Variants in PRDM2 observed in about 807,000 individuals in gnomAD.
PRDM2 encodes the protein PR/SET domain 2.
PRDM2 carries 30 observed loss-of-function variants against 130.0 expected under a neutral mutation model. The observed-to-expected ratio is 0.23, with a 90% confidence interval of 0.17 to 0.31. The LOEUF (loss-of-function observed/expected upper bound fraction) is 0.31. PRDM2 is among the 10% of genes least tolerant of loss of function. PRDM2 has a pLI of 1.00. For synonymous variants in PRDM2, 871 were observed against 782.4 expected, an observed-to-expected ratio of 1.11 and a Z score of -1.89; for missense variants, 2,011 against 2,108.4, an observed-to-expected ratio of 0.95 and a Z score of 0.90.
intron 6 of PRDM2, among the ~76,000 whole-genome samples, 164 bp downstream of exon 6, chr1:13,749,651 G>A (rs1045429464): frequency 3.3e-5 from 5 of 151,234 alleles, no homozygotes; most frequent in Non-Finnish European, 5.9e-5. Flanking sequence ...CCCTGCCCCG[G>A]CCCCGCTCCC....
intron 2 of PRDM2, chr1:13,722,741 G>A: frequency 2.3e-6 from 1 of 442,188 alleles, no homozygotes; most frequent in Middle Eastern, 3.4e-4. Context: ...AGGAGGGGAT[G>A]AGCCCTCAGG....
intron 4 of PRDM2, among the ~76,000 whole-genome samples, chr1:13,735,907 T>A (rs1344812812): frequency 6.6e-6 from 1 of 152,162 alleles, no homozygotes; most frequent in Non-Finnish European, 1.5e-5. Context: ...ACTGTGAACA[T>A]CTTCCTGAAC....
chr1:13,723,657 G>A lies in PRDM2; in HGVS notation c.10-7343G>A, dbSNP rs914237342. On this transcript the variant is annotated intron_variant, in intron 2 of 9. Coordinates refer to ENST00000311066, the MANE Select transcript of PRDM2 (RefSeq NM_001393986.1). ...ACTCATTTGCTGTGCTTCTTCTTCC[G>A]TTTCATTCTTTGATAAGGGCATTCT... 1.5e-4 allele frequency among the ~76,000 whole-genome samples: 23 copies of A among 152,252 alleles called. 1 individual carries two copies. The highest frequency in any genetic ancestry group is 3.4e-3 in the Middle Eastern group (1 of 294).
intron 4 of PRDM2, chr1:13,738,671 C>CTA (rs1377648837): frequency 6.6e-6 from 1 of 152,204 alleles, no homozygotes; most frequent in Non-Finnish European, 1.5e-5. Context: ...ATAAAATGTG[C>CTA]TATCACCTGT....
intron 8 of PRDM2, among the ~76,000 whole-genome samples, chr1:13,789,301 T>G (rs1471265565): frequency 6.6e-6 from 1 of 152,262 alleles, no homozygotes; most frequent in Non-Finnish European, 1.5e-5. Flanking sequence ...AGGCTGGCTG[T>G]CTTGTCCTCG....
rs1052413698 is a variant in PRDM2 at position 13,806,679 on chromosome 1, CTGGA to C, written c.5037-9744_5037-9741del. On this transcript the variant is annotated intron_variant, in intron 8 of 9. Coordinates refer to ENST00000311066, the MANE Select transcript of PRDM2 (RefSeq NM_001393986.1). The surrounding 1 kb of genome is among the most constrained non-coding windows in gnomAD (Gnocchi z 4.1). ...TGAGGTCCAGGCCACCATCATCTCC[CTGGA>C]TGGTGGCAGTCACCTCCTTGCTGGT... Among the ~76,000 whole-genome samples the C allele has an allele frequency of 2.0e-5, 3 of 152,178 alleles. No individual in the cohort carries two copies. Among genetic ancestry groups the C allele is most frequent in the African/African-American group, 7.2e-5 (3 of 41,444 alleles).
chr1:13,748,944 CGTT>C (rs1643703874), intron 5 of PRDM2, among the ~76,000 whole-genome samples: 2 of 152,166 alleles, frequency 1.3e-5, no homozygotes, highest in Admixed American at 1.3e-4. Flanking sequence ...GCGCGCTAGT[CGTT>C]GTCTTTCAGC....
chr1:13,749,474 CA>C lies in PRDM2; in HGVS notation c.500del (p.Lys167ArgfsTer24). On this transcript the variant is annotated frameshift_variant, in exon 6 of 10. Transcript: ENST00000311066. LOFTEE classifies it high-confidence loss of function. ...GCGCCCGGAGCAAGCGGAGCTCCCC[CA>C]AGAGCCGGAAAGGTAGGAGCCCCCC... ...ASARSKRSSPKSRKGKKKSQE... is the reference protein window; with the variant it reads ...ASARSKRSSPXSRKGKKKSQE... 6.8e-7 allele frequency: 1 copy of C among 1,475,310 alleles called. No individual in the cohort carries two copies. Among genetic ancestry groups the C allele is most frequent in the East Asian group, 3.0e-5 (1 of 32,976 alleles). 91.4% of individuals were successfully genotyped at this position (1,475,310 alleles called of 1,614,324 possible).
intron 2 of PRDM2, chr1:13,717,406 G>T (rs1642576354): frequency 1.0e-6 from 1 of 985,232 alleles, no homozygotes; most frequent in Non-Finnish European, 1.2e-6. Flanking sequence ...GAGGAGTCTT[G>T]ATCCTGCGTT....
intron 8 of PRDM2, among the ~76,000 whole-genome samples, chr1:13,788,899 A>ATTGC (rs1261804343): frequency 6.6e-6 from 1 of 152,214 alleles, no homozygotes; most frequent in East Asian, 1.9e-4. Context: ...GCCTTGGGCA[A>ATTGC]GTTCCTTTAC....
chr1:13,739,109 C>T (rs1002849277), intron 4 of PRDM2, among the ~76,000 whole-genome samples: 4 of 151,388 alleles, frequency 2.6e-5, no homozygotes, highest in Admixed American at 6.6e-5. Context: ...TGCAGTGACG[C>T]GATCTTGGCT....
intron 8 of PRDM2, among the ~76,000 whole-genome samples, chr1:13,816,203 C>T (rs534231992): frequency 2.2e-4 from 34 of 152,250 alleles, no homozygotes; most frequent in African/African-American, 7.5e-4. Flanking sequence ...CGATCGCCTC[C>T]GAGGGGAGAG....
At chr1:13,798,961 AAC>A (rs751499981) in intron 8 of PRDM2, among the ~76,000 whole-genome samples, 2 of 152,226 alleles carry the variant, frequency 1.3e-5, no homozygotes, top group Non-Finnish European at 2.9e-5. Flanking sequence ...CCGGATCTGC[AAC>A]ACAGTATCGC....
In PRDM2 at chr1:13,780,995, C is replaced by T. The variant is rs926464928; in HGVS notation, c.3200C>T (p.Ser1067Leu). Residue 1067 changes from serine to leucine, a missense_variant, in exon 8 of 10, where the codon TCA becomes TTA. By Grantham distance (145) the Ser-to-Leu change is moderately radical. Coordinates refer to ENST00000311066, the MANE Select transcript of PRDM2 (RefSeq NM_001393986.1). ...SSSSSSSFSS[S>L]SSSSSPSPPP... ...TCCTCCTCCTCTTCGTTTTCTTCTTCATCTTCCTCCTCTTCTCCTTCTCCA... is the reference window on the plus strand; with the variant it reads ...TCCTCCTCCTCTTCGTTTTCTTCTTTATCTTCCTCCTCTTCTCCTTCTCCA... 2 of 1,601,002 alleles carry T rather than the reference C, an allele frequency of 1.2e-6. No individual in the cohort carries two copies. The highest frequency in any genetic ancestry group is 1.7e-6 in the Non-Finnish European group (2 of 1,168,360).
At chr1:13,722,923 C>T (rs1642780592) in intron 2 of PRDM2, 3 of 482,204 alleles carry the variant, frequency 6.2e-6, no homozygotes, top group East Asian at 5.9e-5. Flanking sequence ...GCCTAGATGC[C>T]AGAAAGCCTC....
intron 9 of PRDM2, among the ~76,000 whole-genome samples, chr1:13,822,023 A>G (rs779021371): frequency 6.6e-6 from 1 of 152,174 alleles, no homozygotes; most frequent in Non-Finnish European, 1.5e-5. Flanking sequence ...GTTGCCTGCC[A>G]TGAGGGTTGT....
intron 6 of PRDM2, among the ~76,000 whole-genome samples, chr1:13,750,479 A>C (rs1643792212): frequency 6.6e-6 from 1 of 151,946 alleles, no homozygotes; most frequent in South Asian, 2.1e-4. Flanking sequence ...TATCCAGAAC[A>C]TTGCAAAGTG....
chr1:13,719,785 AT>A (rs35992629), intron 2 of PRDM2, among the ~76,000 whole-genome samples: 98,122 of 151,040 alleles, frequency 0.65, 32,238 homozygotes, highest in Middle Eastern at 0.77. Flanking sequence ...AGCTTGTTTG[AT>A]TTTTTTTTTC....
At chr1:13,729,973 A>G (rs1406353855) in intron 2 of PRDM2, among the ~76,000 whole-genome samples, 2 of 152,222 alleles carry the variant, frequency 1.3e-5, no homozygotes, top group Non-Finnish European at 2.9e-5. Flanking sequence ...TTCTTGGTAC[A>G]TATATTCTTG....
Sources: allele counts gnomAD v4.1 joint callset (sites outside exome capture counted in the v4.1 genomes callset), GRCh38; gene constraint gnomAD v4.1.1; non-coding constraint Gnocchi (gnomAD v3.1); transcripts MANE v1.5; gene names NCBI Gene and HGNC (gene_info 2026-07-23, HGNC 2026-07-21).